CLIC2: variants seen among roughly 807,000 people sequenced by gnomAD.
CLIC2 encodes CLIC family member 2.
CLIC2 carries 9 observed loss-of-function variants against 14.8 expected under a neutral mutation model. That is an observed-to-expected ratio of 0.61 (90% CI 0.37 to 1.06). The LOEUF (loss-of-function observed/expected upper bound fraction) is 1.06. CLIC2 is among the 50% of genes least tolerant of loss of function. The pLI, the probability that CLIC2 is intolerant of heterozygous loss-of-function variation, is 0.01. For missense variants in CLIC2, 148 were observed against 181.4 expected (o/e 0.82, Z 1.06); for synonymous variants, 61 against 66.3 (o/e 0.92, Z 0.39).
At chrX:155,284,026 A>C (rs2074930756) in intron 3 of CLIC2, among the ~76,000 whole-genome samples, 1 of 111,020 alleles carries the variant, frequency 9.0e-6, no homozygotes, top group Non-Finnish European at 1.9e-5. Flanking sequence ...GCTCTCCTTC[A>C]TTGCTTAGCT....
At chrX:155,297,860 C>CAA (rs200891873) in intron 3 of CLIC2, among the ~76,000 whole-genome samples, 6 of 5,116 alleles carry the variant, frequency 1.2e-3, no homozygotes, top group African/African-American at 2.6e-3. Flanking sequence ...ACTCCGGTCT[C>CAA]AAAAAAAAAA....
At chrX:155,299,177 T>G in intron 1 of CLIC2, 32 bp from the exon 2 acceptor site, 1 of 1,081,541 alleles carries the variant, frequency 9.2e-7, no homozygotes, top group East Asian at 3.0e-5. Flanking sequence ...TCAGTTCATT[T>G]GTTTGTTCAA....
At chrX:155,319,738 G>A (rs1557321429) in intron 1 of CLIC2, among the ~76,000 whole-genome samples, 1 of 111,401 alleles carries the variant, frequency 9.0e-6, no homozygotes, top group African/African-American at 3.3e-5. Flanking sequence ...AAAGGGGGCT[G>A]AAGCTAGGGA....
intron 3 of CLIC2, among the ~76,000 whole-genome samples, chrX:155,288,976 C>G (rs1184376528): frequency 2.7e-5 from 3 of 110,351 alleles, no homozygotes; most frequent in African/African-American, 9.9e-5. Flanking sequence ...GAAACCCCGT[C>G]TCTACTAAAA....
rs782084111 is a variant in CLIC2, at chrX:155,321,276, G to A, written c.57+13095C>T. The stretch of plus-strand genomic sequence containing the variant: ...ACACATAATCATCAGATTCACCAAG[G>A]TTGAAATGAAGGAAAAAATGTTAAG... On this transcript the variant is annotated intron_variant, in intron 1 of 5. Coordinates refer to ENST00000369449, the MANE Select transcript of CLIC2 (RefSeq NM_001289.6). Among the ~76,000 whole-genome samples, 4 of 111,321 alleles carry A rather than the reference G, an allele frequency of 3.6e-5. No homozygotes were observed. In the South Asian group the frequency reaches 1.5e-3, roughly 43 times the overall value.
intron 4 of CLIC2, 66 bp from the exon 5 acceptor site, chrX:155,279,396 A>G (rs1289637054): frequency 1.4e-5 from 12 of 859,160 alleles, no homozygotes; most frequent in Non-Finnish European, 2.1e-5. Context: ...CATTCTAAAT[A>G]TGCTTTCCAC....
intron 1 of CLIC2, among the ~76,000 whole-genome samples, chrX:155,307,334 T>C (rs1396944575): frequency 9.0e-6 from 1 of 110,542 alleles, no homozygotes; most frequent in Non-Finnish European, 1.9e-5. Flanking sequence ...AAGAGGGCAT[T>C]CTAAACAGGG....
At chrX:155,288,093 A>G (rs2074949406) in intron 3 of CLIC2, among the ~76,000 whole-genome samples, 2 of 112,051 alleles carry the variant, frequency 1.8e-5, no homozygotes, top group South Asian at 7.4e-4. Context: ...ATTTTTGTAC[A>G]TTGATTTTGC....
intron 1 of CLIC2, among the ~76,000 whole-genome samples, chrX:155,323,195 C>A (rs1163426498): frequency 4.5e-5 from 5 of 111,767 alleles, no homozygotes; most frequent in African/African-American, 1.6e-4. Flanking sequence ...CCAATTTCAT[C>A]CTGACACCAG....
At chrX:155,303,414 T>C (rs2075029358) in intron 1 of CLIC2, among the ~76,000 whole-genome samples, 1 of 77,355 alleles carries the variant, frequency 1.3e-5, no homozygotes, top group Admixed American at 1.6e-4. Flanking sequence ...CCTGCCTTTT[T>C]TTGTTTTCCA....
chrX:155,287,395 G>A (rs1354339586), intron 3 of CLIC2, among the ~76,000 whole-genome samples: 2 of 111,177 alleles, frequency 1.8e-5, no homozygotes, highest in African/African-American at 3.3e-5. Context: ...GTGCAATGAC[G>A]TGATCTTGGC....
chrX:155,314,166 A>G (rs1484346630), intron 1 of CLIC2, among the ~76,000 whole-genome samples: 1 of 111,159 alleles, frequency 9.0e-6, no homozygotes. Flanking sequence ...CCACCACCCG[A>G]GAAACCTGAA....
At chrX:155,302,401 T>C (rs2075023345) in intron 1 of CLIC2, among the ~76,000 whole-genome samples, 1 of 110,580 alleles carries the variant, frequency 9.0e-6, no homozygotes, top group Admixed American at 9.6e-5. Context: ...TGGTAGTTTG[T>C]ATTTCTGTGG....
chrX:155,320,792 A>G (rs1302069951), intron 1 of CLIC2, among the ~76,000 whole-genome samples: 2 of 111,716 alleles, frequency 1.8e-5, no homozygotes, highest in African/African-American at 6.5e-5. Flanking sequence ...TTCTAACCCA[A>G]TGCAAAGAAG....
chrX:155,279,095 G>T, intron 5 of CLIC2, 54 bp downstream of exon 5: 1 of 1,027,212 alleles, frequency 9.7e-7, no homozygotes, highest in Non-Finnish European at 1.4e-6. Context: ...TATGCTTTGT[G>T]CTGGCAACTG....
At chrX:155,282,904 A>C (rs1184323255) in intron 3 of CLIC2, among the ~76,000 whole-genome samples, 1 of 110,967 alleles carries the variant, frequency 9.0e-6, no homozygotes, top group Non-Finnish European at 1.9e-5. Flanking sequence ...CCAGGTCAGC[A>C]TCCAAACATT....
chrX:155,330,039 G>T (rs1466119537), intron 1 of CLIC2, among the ~76,000 whole-genome samples: 1 of 111,188 alleles, frequency 9.0e-6, no homozygotes, highest in Non-Finnish European at 1.9e-5. Flanking sequence ...GGCTGGGAAG[G>T]GTAGTGAGTC....
intron 3 of CLIC2, among the ~76,000 whole-genome samples, chrX:155,284,411 C>A (rs1380467658): frequency 9.1e-6 from 1 of 109,744 alleles, no homozygotes; most frequent in Admixed American, 9.8e-5. Context: ...AGGCATGCAC[C>A]ACCACGCCTG....
intron 1 of CLIC2, chrX:155,309,605 GGAA>G (rs1193631942): frequency 3.7e-6 from 1 of 273,570 alleles, no homozygotes; most frequent in Non-Finnish European, 6.8e-6. Flanking sequence ...TCACAATCAT[GGAA>G]GAAGGTGAAA....
Sources: allele counts gnomAD v4.1 joint callset (sites outside exome capture counted in the v4.1 genomes callset), GRCh38; gene constraint gnomAD v4.1.1; transcripts MANE v1.5; gene names NCBI Gene and HGNC (gene_info 2026-07-23, HGNC 2026-07-21).